STARD9: variants seen among roughly 807,000 people sequenced by gnomAD.
The protein encoded by STARD9 is StAR related lipid transfer domain containing 9.
Under a neutral mutation model 399.8 loss-of-function variants are expected in STARD9, and 346 were observed. The observed-to-expected ratio is 0.87, with a 90% CI of 0.79 to 0.95. The LOEUF (loss-of-function observed/expected upper bound fraction) is 0.95. Ranked by LOEUF, STARD9 falls within the 40% of genes least tolerant of loss-of-function variation. STARD9 has a pLI of 0.00. For synonymous variants in STARD9, 2,203 were observed against 2,143.5 expected (o/e 1.03, Z -0.77); for missense variants, 5,832 against 5,667.5 (o/e 1.03, Z -0.93).
At chr15:42,701,275 A>G (rs761069899) in intron 26 of STARD9, among the ~76,000 whole-genome samples, 8 of 152,136 alleles carry the variant, frequency 5.3e-5, no homozygotes, top group Admixed American at 1.3e-4. Flanking sequence ...TATTTTTTCT[A>G]TGAAGAATGT....
Position 42,716,763 on chromosome 15 carries a change from C to A in STARD9, c.13371C>A (p.Tyr4457Ter), listed in dbSNP as rs1478506567. 6.5e-7 allele frequency: 1 copy of A among 1,535,374 alleles called. No homozygotes were observed. Among genetic ancestry groups the A allele is most frequent in the Non-Finnish European group, 8.7e-7 (1 of 1,145,194 alleles). Residue 4457 changes from tyrosine to a stop codon, truncating the protein, a stop_gained and splice_region_variant, in exon 27 of 33, where the codon TAC becomes TAA. Transcript: ENST00000290607. LOFTEE classifies it high-confidence loss of function. ...CTGCAGTGAGGAAGAACTCTGCCTA[C>A]AGTGAGTTGCGGGGAGTGTTGGGCA... ...GHSAVRKNSA[Y>*]SHRASLGSCC...
At chr15:42,635,229 C>T (rs2059397174) in intron 4 of STARD9, among the ~76,000 whole-genome samples, 1 of 145,626 alleles carries the variant, frequency 6.9e-6, no homozygotes, top group East Asian at 2.0e-4. Context: ...CATTGCACTC[C>T]AGCCTGGGCA....
chr15:42,635,505 A>G (rs1222188755), intron 4 of STARD9, among the ~76,000 whole-genome samples: 1 of 151,632 alleles, frequency 6.6e-6, no homozygotes, highest in Non-Finnish European at 1.5e-5. Context: ...AAGTTTTTGT[A>G]TTTTTAGTAG....
chr15:42,687,838 A>G lies in STARD9; in HGVS notation c.6260A>G (p.Gln2087Arg). 2 of 1,537,386 alleles carry G rather than the reference A, an allele frequency of 1.3e-6. No homozygotes were observed. The highest frequency in any genetic ancestry group is 8.7e-7 in the Non-Finnish European group (1 of 1,146,986). Residue 2087 changes from glutamine (Q) to arginine (R), a missense_variant, in exon 23 of 33, where the codon CAG becomes CGG. Transcript: ENST00000290607. ...GGAACCGATAAGGAGTTGGTGTTCC[A>G]GGACCAGAAGGAGCAGGAGAAGACT... ...TPGTDKELVF[Q>R]DQKEQEKTDH...
At chr15:42,673,520 A>G (rs931775705) in intron 16 of STARD9, among the ~76,000 whole-genome samples, 2 of 152,144 alleles carry the variant, frequency 1.3e-5, no homozygotes, top group African/African-American at 2.4e-5. Context: ...TAGCTCTTCT[A>G]TTTGGTATGT....
chr15:42,684,997 A>G lies in STARD9; in HGVS notation c.3419A>G (p.Glu1140Gly). ...GATTTCCCAGAGCCAGAGAACTCTG[A>G]AAGTGATGACAGCCAACTATCTGAG... ...KWDFPEPENSESDDSQLSEDS... is the reference protein window; with the variant it reads ...KWDFPEPENSGSDDSQLSEDS... The change falls in exon 23 of 33, where the codon GAA (glutamate) becomes GGA (glycine). Residue 1140 changes from glutamate to glycine, a missense_variant. This residue lies in a region of STARD9 where 5,828 missense variants were observed against 5,651.1 expected (regional missense o/e 1.03). Transcript: ENST00000290607. The G allele has an allele frequency of 6.5e-7, 1 of 1,537,142 alleles. No homozygotes were observed.
At position 42,668,099 on chromosome 15, in the gene STARD9, A is replaced by T. The variant is rs539484073; in HGVS notation, c.1318-1059A>T. ...GAACCTGCCCCTTGTTGGCTGTATGATCTTAGGCAGTGTAGGAGTAGGTGG... is the reference window on the plus strand; with the variant it reads ...GAACCTGCCCCTTGTTGGCTGTATGTTCTTAGGCAGTGTAGGAGTAGGTGG... On this transcript the variant is annotated intron_variant, in intron 15 of 32. Coordinates refer to ENST00000290607, the MANE Select transcript of STARD9 (RefSeq NM_020759.3). Among the ~76,000 whole-genome samples the T allele has an allele frequency of 1.1e-4, 17 of 152,238 alleles. No homozygotes were observed. The East Asian group carries it at 3.3e-3, about 29-fold the overall frequency.
chr15:42,612,498 C>T (rs1444292949), intron 3 of STARD9, among the ~76,000 whole-genome samples: 1 of 152,128 alleles, frequency 6.6e-6, no homozygotes, highest in African/African-American at 2.4e-5. Context: ...AGAGTCTATT[C>T]CAATAAAGCT....
At position 42,691,308 on chromosome 15, in the gene STARD9, A is replaced by G. The variant is rs1391189424; in HGVS notation, c.9730A>G (p.Ile3244Val). Residue 3244 changes from isoleucine to valine, a missense_variant, in exon 23 of 33, where the codon ATT becomes GTT. Coordinates refer to ENST00000290607, the MANE Select transcript of STARD9 (RefSeq NM_020759.3). The part of the protein sequence containing the change: ...PDEDGLDGCQ[I>V]LDAGREEVAV... The stretch of plus-strand genomic sequence containing the variant: ...TGAAGATGGCTTAGATGGCTGTCAG[A>G]TTTTAGATGCTGGGAGAGAGGAGGT... 1.4e-5 allele frequency: 22 copies of G among 1,537,114 alleles called. No individual in the cohort carries two copies. The highest frequency in any genetic ancestry group is 1.4e-5 in the African/African-American group (1 of 73,022).
chr15:42,686,108 C>T lies in STARD9; in HGVS notation c.4530C>T (p.Tyr1510=). ...LEAIGAPKPA[Y]PYLEEDSGSL... is the part of the protein sequence containing the mutation. ...CCATAGGAGCACCCAAGCCAGCTTA[C>T]CCCTACCTTGAGGAAGACTCTGGTT... Residue 1510 remains tyrosine (Y), a synonymous_variant, in exon 23 of 33, where the codon TAC becomes TAT. Transcript: ENST00000290607. 6.5e-7 allele frequency: 1 copy of T among 1,537,268 alleles called. No homozygotes were observed. The highest frequency in any genetic ancestry group is 8.7e-7 in the Non-Finnish European group (1 of 1,146,908).
intron 15 of STARD9, among the ~76,000 whole-genome samples, chr15:42,667,696 C>T (rs938555147): frequency 1.3e-5 from 2 of 151,836 alleles, no homozygotes; most frequent in African/African-American, 4.8e-5. Flanking sequence ...CCAGGCTGGT[C>T]TTAAACTCCT....
chr15:42,668,900 C>G (rs556516016), intron 15 of STARD9, among the ~76,000 whole-genome samples: 3 of 152,228 alleles, frequency 2.0e-5, no homozygotes, highest in African/African-American at 7.2e-5. Context: ...AATACATGTT[C>G]ATTGCAGAAA....
chr15:42,597,040 C>T (rs2058520775), intron 3 of STARD9, among the ~76,000 whole-genome samples: 1 of 152,172 alleles, frequency 6.6e-6, no homozygotes, highest in Non-Finnish European at 1.5e-5. Context: ...ATACTACAAA[C>T]ATTTTCCCTG....
intron 3 of STARD9, among the ~76,000 whole-genome samples, chr15:42,626,813 T>C (rs769365632): frequency 4.6e-5 from 7 of 151,116 alleles, no homozygotes; most frequent in Non-Finnish European, 8.9e-5. Context: ...CGCCTGGCCA[T>C]CTTTAATTTA....
Position 42,634,980 on chromosome 15 carries a change from T to G in STARD9, c.351+8T>G. 1 of 1,461,590 alleles carries G rather than the reference T, an allele frequency of 6.8e-7. No homozygotes were observed. Among genetic ancestry groups the G allele is most frequent in the Non-Finnish European group, 9.3e-7 (1 of 1,080,972 alleles). 90.5% of individuals were successfully genotyped at this position (1,461,590 alleles called of 1,614,324 possible). A position where few individuals can be genotyped will look rare whatever the true frequency, so the allele number is the denominator to read the frequency against. ...ACCATGCTGGGGACCCCAGTGAGTA[T>G]TACAATGATATATATTCCTAATGCC... is the stretch of plus-strand genomic sequence containing the variant. On this transcript the variant is annotated splice_region_variant and intron_variant, in intron 4 of 32. Coordinates refer to ENST00000290607, the MANE Select transcript of STARD9 (RefSeq NM_020759.3).
rs1447109066 is a variant in STARD9 at position 42,716,986 on chromosome 15, A to T, written c.13432A>T (p.Thr4478Ser). The T allele has an allele frequency of 1.3e-5, 20 of 1,537,002 alleles. No individual in the cohort carries two copies. Among genetic ancestry groups the T allele is most frequent in the Non-Finnish European group, 1.5e-5 (17 of 1,146,880 alleles). ...CSPSSLSSLG[T>S]CFSSSYQDLA... ...ACCATCCAGTCTGTCCAGCTTGGGG[A>T]CCTGCTTTTCCTCCTCCTACCAGGA... The change falls in exon 28 of 33, where the codon ACC becomes TCC. Residue 4478 changes from threonine to serine, a missense_variant. Around this residue, in one of 2 missense-constraint regions of STARD9, gnomAD observed 5,828 missense variants for 5,651.1 expected, o/e 1.03. Transcript: ENST00000290607.
At chr15:42,627,322 A>G (rs558437353) in intron 3 of STARD9, among the ~76,000 whole-genome samples, 171 of 152,248 alleles carry the variant, frequency 1.1e-3, no homozygotes, top group African/African-American at 4.0e-3. Flanking sequence ...TTATGGGTAC[A>G]TAGTAGGTAT....
intron 9 of STARD9, among the ~76,000 whole-genome samples, chr15:42,658,772 C>T (rs561024663): frequency 6.6e-6 from 1 of 152,184 alleles, no homozygotes; most frequent in East Asian, 1.9e-4. Flanking sequence ...GCATAAGCCA[C>T]CGTGCCTGGC....
intron 3 of STARD9, among the ~76,000 whole-genome samples, chr15:42,594,616 C>G (rs2058467989): frequency 6.6e-6 from 1 of 152,132 alleles, no homozygotes; most frequent in South Asian, 2.1e-4. Context: ...TCTAGAGAGA[C>G]AAAATAACAG....
Sources: allele counts gnomAD v4.1 joint callset (sites outside exome capture counted in the v4.1 genomes callset), GRCh38; gene constraint gnomAD v4.1.1; regional missense constraint gnomAD v4.1.1; transcripts MANE v1.5; gene names NCBI Gene and HGNC (gene_info 2026-07-23, HGNC 2026-07-21).